The following TTI1 variants were observed in gnomAD, a reference collection of about 807,000 sequenced individuals.
TTI1 encodes the protein TELO2-interacting protein 1 homolog.
In TTI1, 52 loss-of-function variants were observed where a neutral mutation model predicts 85.4. The observed-to-expected ratio is 0.61, with a 90% confidence interval of 0.49 to 0.77. The LOEUF (loss-of-function observed/expected upper bound fraction) is 0.77. TTI1 is among the 30% of genes least tolerant of loss of function. TTI1 has a pLI of 0.00. For missense variants in TTI1, 1,173 were observed against 1,296.0 expected (o/e 0.91, Z 1.46); for synonymous variants, 512 against 503.9 (o/e 1.02, Z -0.22).
At chr20:38,032,343 T>G (rs2073922414) in intron 1 of TTI1, among the ~76,000 whole-genome samples, 1 of 152,236 alleles carries the variant, frequency 6.6e-6, no homozygotes, top group Non-Finnish European at 1.5e-5. Context: ...AGCAAAGAAC[T>G]GCAATACAGT....
chr20:38,024,100 C>G (rs1351087292), intron 1 of TTI1, among the ~76,000 whole-genome samples: 1 of 152,130 alleles, frequency 6.6e-6, no homozygotes, highest in Admixed American at 6.5e-5. Context: ...CTAGACAGTA[C>G]ATTTCTAAAA....
intron 3 of TTI1, 47 bp from the exon 4 acceptor site, chr20:38,002,823 C>T (rs1297140703): frequency 1.3e-6 from 2 of 1,598,474 alleles, no homozygotes; most frequent in African/African-American, 2.7e-5. Context: ...AGTGATAAAA[C>T]AGAGATACCT....
At chr20:38,007,545 T>A (rs2073519374) in intron 2 of TTI1, among the ~76,000 whole-genome samples, 1 of 152,170 alleles carries the variant, frequency 6.6e-6, no homozygotes. Context: ...ATATCAGGGT[T>A]CCCCAAAGGC....
At chr20:38,032,390 G>A (rs75273488) in intron 1 of TTI1, among the ~76,000 whole-genome samples, 1 of 152,168 alleles carries the variant, frequency 6.6e-6, no homozygotes, top group African/African-American at 2.4e-5. Flanking sequence ...CTAGAAGAAC[G>A]TCTCCTAAAC....
In TTI1 at chr20:38,013,129, T is replaced by G. The variant is rs2073626801; in HGVS notation, c.688A>C (p.Ser230Arg). 4 of 1,614,064 alleles carry G rather than the reference T, an allele frequency of 2.5e-6. No homozygotes were observed. The Admixed American group carries it at 5.0e-5, about 20-fold the overall frequency. The change falls in exon 2 of 8, where the codon AGC becomes CGC. Residue 230 changes from serine to arginine, a missense_variant. Ser to Arg is a moderately radical substitution (Grantham distance 110). Transcript: ENST00000373447. ...LITGDFKQGHSIVVSSLKIFY... is the reference protein window; with the variant it reads ...LITGDFKQGHRIVVSSLKIFY... The stretch of plus-strand genomic sequence containing the variant: ...ATCTTTAGGGAAGATACGACAATGC[T>G]GTGACCTTGTTTAAAGTCTCCTGTG...
intron 3 of TTI1, among the ~76,000 whole-genome samples, chr20:38,004,217 TCAC>T (rs1247360696): frequency 2.0e-5 from 3 of 152,170 alleles, no homozygotes; most frequent in Non-Finnish European, 2.9e-5. Flanking sequence ...AACGGAAACA[TCAC>T]CACAAGATTT....
In TTI1 at chr20:38,006,374, T is replaced by C. The variant is rs1417268613; in HGVS notation, c.2326A>G (p.Asn776Asp). Reference protein sequence around the residue: ...ALAQWFPDTGNLGHLQEQSLG... With the variant: ...ALAQWFPDTGDLGHLQEQSLG... ...CTTTGCTCTTGGAGGTGCCCAAGAT[T>C]ACCTGTGTCTGGGAACCACTGGGCT... Residue 776 changes from asparagine (N) to aspartate (D), a missense_variant, in exon 3 of 8, where the codon AAT (asparagine) becomes GAT (aspartate). Coordinates refer to ENST00000373447, the MANE Select transcript of TTI1 (RefSeq NM_001303457.2). 17 of 1,614,196 alleles carry C rather than the reference T, an allele frequency of 1.1e-5. No homozygotes were observed. Among genetic ancestry groups the C allele is most frequent in the Non-Finnish European group, 1.3e-5 (15 of 1,180,032 alleles).
intron 7 of TTI1, among the ~76,000 whole-genome samples, chr20:37,984,867 C>T (rs2073169982): frequency 6.6e-6 from 1 of 152,234 alleles, no homozygotes; most frequent in African/African-American, 2.4e-5. Flanking sequence ...TTAATATTGA[C>T]TGAACAGGTT....
Position 38,004,210 on chromosome 20 carries a change from G to A in TTI1, c.2504-1434C>T, listed in dbSNP as rs557568813. On this transcript the variant is annotated intron_variant, in intron 3 of 7. Coordinates refer to ENST00000373447, the MANE Select transcript of TTI1 (RefSeq NM_001303457.2). The stretch of plus-strand genomic sequence containing the variant: ...ATGAGATAGATGTAAGTTTGTAAAC[G>A]GAAACATCACCACAAGATTTGAGAA... Among the ~76,000 whole-genome samples the A allele has an allele frequency of 4.6e-5, 7 of 152,218 alleles. No homozygotes were observed. The East Asian group carries it at 9.6e-4, about 21-fold the overall frequency.
intron 2 of TTI1, among the ~76,000 whole-genome samples, chr20:38,009,848 G>A (rs567799036): frequency 2.0e-5 from 3 of 152,196 alleles, no homozygotes; most frequent in Non-Finnish European, 2.9e-5. Flanking sequence ...TGTGTTGATG[G>A]GCCTTTCTCA....
At chr20:38,025,664 T>G (rs994651037) in intron 1 of TTI1, among the ~76,000 whole-genome samples, 1 of 151,902 alleles carries the variant, frequency 6.6e-6, no homozygotes, top group African/African-American at 2.4e-5. Flanking sequence ...ATGAAGACAT[T>G]AAAACAGTAC....
intron 1 of TTI1, among the ~76,000 whole-genome samples, chr20:38,014,962 A>C (rs753495185): frequency 6.6e-6 from 1 of 152,168 alleles, no homozygotes; most frequent in Non-Finnish European, 1.5e-5. Context: ...AAATGTGTAT[A>C]ACTGTAAAAT....
At chr20:38,024,423 G>A (rs1416629019) in intron 1 of TTI1, among the ~76,000 whole-genome samples, 3 of 152,044 alleles carry the variant, frequency 2.0e-5, no homozygotes, top group Non-Finnish European at 4.4e-5. Context: ...AAGCAGACTG[G>A]TTAGGGACCC....
intron 2 of TTI1, among the ~76,000 whole-genome samples, chr20:38,007,402 G>A (rs1218833337): frequency 6.6e-6 from 1 of 152,176 alleles, no homozygotes; most frequent in African/African-American, 2.4e-5. Context: ...TGTGCCTTGA[G>A]GAGCCTTAGG....
Position 37,983,391 on chromosome 20 carries a change from G to A in TTI1, c.*65C>T. 6.5e-6 allele frequency: 10 copies of A among 1,544,108 alleles called. No individual in the cohort carries two copies. The South Asian group carries it at 9.4e-5, about 15-fold the overall frequency. ...CTGCCACCGCCTATGGCCGGGGTGG[G>A]GTCAGCCCAGCTTCTGGCTGGCAGT... On this transcript the variant is annotated 3_prime_UTR_variant, in exon 8 of 8. Transcript: ENST00000373447.
chr20:38,022,410 T>A (rs1338047530), intron 1 of TTI1, among the ~76,000 whole-genome samples: 1 of 152,250 alleles, frequency 6.6e-6, no homozygotes, highest in Non-Finnish European at 1.5e-5. Context: ...TGTTTACTGT[T>A]TCTCTCCTTT....
intron 2 of TTI1, among the ~76,000 whole-genome samples, chr20:38,008,088 T>C (rs2073528430): frequency 6.6e-6 from 1 of 152,206 alleles, no homozygotes; most frequent in Non-Finnish European, 1.5e-5. Context: ...TAAGGTGCTA[T>C]TTTTCTCCTA....
At chr20:38,031,504 C>A (rs1437066394) in intron 1 of TTI1, among the ~76,000 whole-genome samples, 1 of 152,160 alleles carries the variant, frequency 6.6e-6, no homozygotes, top group East Asian at 1.9e-4. Flanking sequence ...AAAAGACTAC[C>A]CACCTACACA....
chr20:37,991,752 T>C (rs1029093982), intron 7 of TTI1, among the ~76,000 whole-genome samples: 2 of 152,204 alleles, frequency 1.3e-5, no homozygotes, highest in African/African-American at 2.4e-5. Flanking sequence ...GTACCCCACA[T>C]AGGTGTGTAC....
Sources: gnomAD v4.1 joint callset for allele counts (sites outside exome capture counted in the v4.1 genomes callset) on GRCh38, gnomAD v4.1.1 for gene constraint, MANE v1.5 for transcripts, NCBI Gene and HGNC (gene_info 2026-07-23, HGNC 2026-07-21) for gene names.